The following ZNF214 variants were observed in gnomAD, a reference collection of about 807,000 sequenced individuals.
ZNF214 encodes BWSCR2-associated zinc finger protein 1.
Under a neutral mutation model 53.9 loss-of-function variants are expected in ZNF214, and 43 were observed. That is an observed-to-expected ratio of 0.80 (90% CI 0.63 to 1.03). The LOEUF (loss-of-function observed/expected upper bound fraction) is 1.03. ZNF214 is among the 50% of genes least tolerant of loss of function. ZNF214 has a pLI of 0.00. For missense variants in ZNF214, 724 were observed against 719.1 expected, an observed-to-expected ratio of 1.01 and a Z score of -0.08; for synonymous variants, 217 against 229.5, an observed-to-expected ratio of 0.95 and a Z score of 0.49.
chr11:7,004,380 T>G (rs1848017308), intron 1 of ZNF214, among the ~76,000 whole-genome samples: 1 of 107,446 alleles, frequency 9.3e-6, no homozygotes, highest in Admixed American at 9.8e-5. Context: ...TTTTTTCATT[T>G]AATACATAGT....
intron 1 of ZNF214, among the ~76,000 whole-genome samples, chr11:7,005,937 T>A (rs933988789): frequency 6.6e-6 from 1 of 152,062 alleles, no homozygotes; most frequent in Non-Finnish European, 1.5e-5. Context: ...TCTCCCAAAC[T>A]TACTCTCTTT....
chr11:7,013,133 C>A (rs1851646772), intron 1 of ZNF214, among the ~76,000 whole-genome samples: 1 of 152,022 alleles, frequency 6.6e-6, no homozygotes, highest in South Asian at 2.1e-4. Context: ...GTGCAAGTTG[C>A]CCAAAAGAAA....
At chr11:7,012,191 A>C (rs1257652899) in intron 1 of ZNF214, among the ~76,000 whole-genome samples, 1 of 152,212 alleles carries the variant, frequency 6.6e-6, no homozygotes, top group Admixed American at 6.5e-5. Flanking sequence ...CCAGTAGAAC[A>C]GAGCAGAGGG....
At position 7,001,532 on chromosome 11, in the gene ZNF214, A is replaced by T; in HGVS notation, c.151T>A (p.Ser51Thr). The change falls in exon 3 of 3, where the codon TCC becomes ACC. Residue 51 changes from serine (S) to threonine (T), a missense_variant. Physicochemically the swap from Ser to Thr is moderately conservative, Grantham distance 58. Transcript: ENST00000278314. Reference sequence around the variant, plus strand: ...AAGTATCTGAATTTTTCTTCTTGGGATTTGTAGCTCTCATTCCAGTTTTCT... The same window carrying T: ...AAGTATCTGAATTTTTCTTCTTGGGTTTTGTAGCTCTCATTCCAGTTTTCT... ...SVENWNESYK[S>T]QEEKFRYLEY... 6.2e-7 allele frequency: 1 copy of T among 1,605,072 alleles called. No individual in the cohort carries two copies. The highest frequency in any genetic ancestry group is 8.5e-7 in the Non-Finnish European group (1 of 1,174,780).
chr11:7,012,581 C>T (rs958878352), intron 1 of ZNF214, among the ~76,000 whole-genome samples: 4 of 151,688 alleles, frequency 2.6e-5, no homozygotes, highest in African/African-American at 9.7e-5. Flanking sequence ...AAAAGGAGCA[C>T]AAATAGAAAA....
chr11:7,010,792 G>A (rs1201376869), intron 1 of ZNF214, among the ~76,000 whole-genome samples: 1 of 151,680 alleles, frequency 6.6e-6, no homozygotes, highest in Non-Finnish European at 1.5e-5. Context: ...TTAATAACAC[G>A]GTTATGAAAA....
intron 1 of ZNF214, among the ~76,000 whole-genome samples, chr11:7,005,839 T>C (rs1851459918): frequency 6.6e-6 from 1 of 152,094 alleles, no homozygotes; most frequent in African/African-American, 2.4e-5. Context: ...GCTATAATTC[T>C]TCTATAATGA....
intron 1 of ZNF214, among the ~76,000 whole-genome samples, chr11:7,010,267 C>G (rs1212907807): frequency 6.6e-6 from 1 of 151,998 alleles, no homozygotes; most frequent in African/African-American, 2.4e-5. Context: ...ATGTCCTTTG[C>G]AGCAACATGG....
chr11:7,007,348 T>G (rs146891471), intron 1 of ZNF214, among the ~76,000 whole-genome samples: 4,650 of 114,348 alleles, frequency 0.041, 140 homozygotes, highest in East Asian at 0.17. Flanking sequence ...TTTAAATAAT[T>G]TAATATTACA....
chr11:6,999,748 TAAA>T lies in ZNF214; in HGVS notation c.*111_*113del. 8.4e-7 allele frequency: 1 copy of T among 1,192,904 alleles called. No individual in the cohort carries two copies. The highest frequency in any genetic ancestry group is 2.4e-5 in the East Asian group (1 of 41,682). The allele number at this position is 1,192,904 out of a possible 1,614,324, so 73.9% of individuals were successfully genotyped here. A position where few individuals can be genotyped will look rare whatever the true frequency, so the allele number is the denominator to read the frequency against. On this transcript the variant is annotated 3_prime_UTR_variant, in exon 3 of 3. Coordinates refer to ENST00000278314, the MANE Select transcript of ZNF214 (RefSeq NM_013249.4). Reference sequence around the variant, plus strand: ...TCTTAGTGGGAGATAGGGGAAACTATAAATGTTGCTTGGGATTACTTGTGTTAT... The same window carrying T: ...TCTTAGTGGGAGATAGGGGAAACTATTGTTGCTTGGGATTACTTGTGTTAT...
chr11:7,001,010 T>C lies in ZNF214; in HGVS notation c.673A>G (p.Lys225Glu), dbSNP rs770229720. ...CGTGAGTTCCAATAATAAATTCCTT[T>C]ACATTTATTACATCCACAGTACTTT... Reference protein sequence around the residue: ...EEKYCGCNKCKGIYYWNSRCV... With the variant: ...EEKYCGCNKCEGIYYWNSRCV... The change falls in exon 3 of 3, where the codon AAA (lysine) becomes GAA (glutamate). Residue 225 changes from lysine (K) to glutamate (E), a missense_variant. Transcript: ENST00000278314. The C allele has an allele frequency of 6.2e-7, 1 of 1,613,122 alleles. No individual in the cohort carries two copies. The highest frequency in any genetic ancestry group is 8.5e-7 in the Non-Finnish European group (1 of 1,179,536).
At chr11:7,009,754 T>G (rs1392864025) in intron 1 of ZNF214, among the ~76,000 whole-genome samples, 2 of 151,984 alleles carry the variant, frequency 1.3e-5, no homozygotes, top group African/African-American at 2.4e-5. Context: ...CATTAAAAAG[T>G]AGGCAAAGGA....
At chr11:7,014,672 A>G (rs557288427) in intron 1 of ZNF214, among the ~76,000 whole-genome samples, 3 of 152,200 alleles carry the variant, frequency 2.0e-5, no homozygotes, top group Admixed American at 6.5e-5. Flanking sequence ...TTTTACAAGT[A>G]TATGCTGATT....
chr11:6,998,567 T>G lies in ZNF214; in HGVS notation c.*1295A>C, dbSNP rs1851241260. 6.6e-6 allele frequency among the ~76,000 whole-genome samples: 1 copy of G among 152,038 alleles called. No homozygotes were observed. Among genetic ancestry groups the G allele is most frequent in the Non-Finnish European group, 1.5e-5 (1 of 67,952 alleles). On this transcript the variant is annotated 3_prime_UTR_variant, in exon 3 of 3. Coordinates refer to ENST00000278314, the MANE Select transcript of ZNF214 (RefSeq NM_013249.4). ...CTTCAGTGTTACTTTTTATTGCATT[T>G]ATTTTGATACAGTATTTCAGAGCTC...
At chr11:7,004,121 G>A (rs886569512) in intron 1 of ZNF214, among the ~76,000 whole-genome samples, 6 of 151,628 alleles carry the variant, frequency 4.0e-5, no homozygotes, top group African/African-American at 1.5e-4. Flanking sequence ...AAAATTTAAG[G>A]ATTTATTTTA....
chr11:7,003,743 G>T (rs1288008827), intron 1 of ZNF214, among the ~76,000 whole-genome samples: 1 of 151,760 alleles, frequency 6.6e-6, no homozygotes, highest in Non-Finnish European at 1.5e-5. Context: ...ATATTCAAGG[G>T]TAAAAAATAT....
At chr11:7,012,221 G>A (rs1210401204) in intron 1 of ZNF214, among the ~76,000 whole-genome samples, 2 of 152,112 alleles carry the variant, frequency 1.3e-5, no homozygotes, top group Non-Finnish European at 2.9e-5. Flanking sequence ...TAACCAATGT[G>A]CTTCTTTATC....
chr11:7,016,993 C>G (rs982606102), intron 1 of ZNF214, among the ~76,000 whole-genome samples: 3 of 152,094 alleles, frequency 2.0e-5, no homozygotes, highest in African/African-American at 7.2e-5. Context: ...AAATGATAAA[C>G]TAGGAGAAAT....
In ZNF214 at chr11:7,000,119, C is replaced by T. The variant is rs1288253322; in HGVS notation, c.1564G>A (p.Gly522Arg). The T allele has an allele frequency of 6.2e-7, 1 of 1,613,348 alleles. No individual in the cohort carries two copies. ...HLLIHQRVHT[G>R]EKPYKCHDCG... Reference sequence around the variant, plus strand: ...TCATGACATTTATAGGGCTTTTCTCCTGTATGGACTCTCTGATGAATGAGA... The same window carrying T: ...TCATGACATTTATAGGGCTTTTCTCTTGTATGGACTCTCTGATGAATGAGA... Residue 522 changes from glycine to arginine, a missense_variant, in exon 3 of 3, where the codon GGA (glycine) becomes AGA (arginine). By Grantham distance (125) the Gly-to-Arg change is moderately radical (BLOSUM62 -2). Transcript: ENST00000278314.
Sources: gnomAD v4.1 joint callset for allele counts (sites outside exome capture counted in the v4.1 genomes callset) on GRCh38, gnomAD v4.1.1 for gene constraint, MANE v1.5 for transcripts, NCBI Gene and HGNC (gene_info 2026-07-23, HGNC 2026-07-21) for gene names.